Variants in RELN observed in about 807,000 individuals in gnomAD.
RELN encodes reelin.
RELN carries 108 observed loss-of-function variants against 427.6 expected under a neutral mutation model. That is an observed-to-expected ratio of 0.25 (90% confidence interval 0.22 to 0.30). The LOEUF is 0.30. RELN is among the 10% of genes least tolerant of loss of function. The pLI is 1.00. For missense variants in RELN, 3,715 were observed against 4,302.8 expected, an observed-to-expected ratio of 0.86 and a Z score of 3.82; for synonymous variants, 1,524 against 1,513.4, an observed-to-expected ratio of 1.01 and a Z score of -0.16.
At chr7:103,756,299 G>T (rs559900987) in intron 4 of RELN, among the ~76,000 whole-genome samples, 3 of 152,182 alleles carry the variant, frequency 2.0e-5, no homozygotes, top group African/African-American at 4.8e-5. Flanking sequence ...ATCTCTGAGG[G>T]TGGAGGCCCG....
At chr7:103,527,079 G>A (rs1323929685) in intron 46 of RELN, among the ~76,000 whole-genome samples, 3 of 151,750 alleles carry the variant, frequency 2.0e-5, no homozygotes, top group South Asian at 2.1e-4. Context: ...TTAATAGTAC[G>A]GTTCCCCTCA....
chr7:103,638,825 G>T (rs1207476410), intron 17 of RELN, among the ~76,000 whole-genome samples: 1 of 152,184 alleles, frequency 6.6e-6, no homozygotes, highest in African/African-American at 2.4e-5. Flanking sequence ...AGATTTGTTT[G>T]TATCCACCAT....
chr7:103,915,813 C>A (rs1283377557), intron 2 of RELN, among the ~76,000 whole-genome samples: 1 of 152,164 alleles, frequency 6.6e-6, no homozygotes, highest in African/African-American at 2.4e-5. Context: ...GACAACTCTA[C>A]TTATGAATCC....
chr7:103,586,418 A>G (rs1245134933), intron 28 of RELN, among the ~76,000 whole-genome samples: 1 of 152,142 alleles, frequency 6.6e-6, no homozygotes, highest in Non-Finnish European at 1.5e-5. Flanking sequence ...ACCCACAGCC[A>G]ACATTATACT....
chr7:103,657,539 A>G (rs1833047671), intron 12 of RELN, among the ~76,000 whole-genome samples: 1 of 152,086 alleles, frequency 6.6e-6, no homozygotes, highest in South Asian at 2.1e-4. Flanking sequence ...CTCTAATTTC[A>G]TTCATCTGTT....
At chr7:103,505,584 A>G (rs1399253356) in intron 51 of RELN, among the ~76,000 whole-genome samples, 4 of 152,324 alleles carry the variant, frequency 2.6e-5, no homozygotes, top group Admixed American at 1.3e-4. Context: ...ATCAAAGACC[A>G]AAGGTAGATA....
chr7:103,814,115 A>T (rs1056448122), intron 3 of RELN, among the ~76,000 whole-genome samples: 2 of 152,186 alleles, frequency 1.3e-5, no homozygotes, highest in African/African-American at 4.8e-5. Flanking sequence ...TCCTGCACTT[A>T]TTACTCTATG....
At chr7:103,488,185 T>C (rs1343200405) in intron 60 of RELN, among the ~76,000 whole-genome samples, 1 of 151,922 alleles carries the variant, frequency 6.6e-6, no homozygotes, top group Non-Finnish European at 1.5e-5. Flanking sequence ...GAAGCTGGGA[T>C]AAATAAATAA....
chr7:103,684,009 G>A (rs768034827), intron 10 of RELN, among the ~76,000 whole-genome samples: 3 of 152,100 alleles, frequency 2.0e-5, no homozygotes, highest in Admixed American at 6.6e-5. Context: ...TGTTCTCAAG[G>A]TTTGCAGTGG....
At position 103,723,143 on chromosome 7, in the gene RELN, T is replaced by C; in HGVS notation, c.802A>G (p.Ile268Val). Residue 268 changes from isoleucine (I) to valine (V), a missense_variant, in exon 8 of 65, where the codon ATT becomes GTT. Ile to Val is a conservative substitution (Grantham distance 29, BLOSUM62 3). Transcript: ENST00000428762. The part of the protein sequence containing the change: ...TTTASVLQFS[I>V]GSGSCRFSYS... ...ATAACTGCTAAAAAACACTTACCAA[T>C]GGAAAATTGGAGGACAGAAGCTGTT... 1 of 1,588,532 alleles carries C rather than the reference T, an allele frequency of 6.3e-7. No homozygotes were observed. Among genetic ancestry groups the C allele is most frequent in the South Asian group, 1.1e-5 (1 of 90,464 alleles).
intron 49 of RELN, among the ~76,000 whole-genome samples, chr7:103,517,360 T>C (rs975543382): frequency 6.6e-6 from 1 of 152,200 alleles, no homozygotes; most frequent in Admixed American, 6.5e-5. Context: ...TAGTTTTTAT[T>C]TTCTCTGATA....
chr7:103,756,765 A>G (rs1280013640), intron 4 of RELN, among the ~76,000 whole-genome samples: 2 of 144,628 alleles, frequency 1.4e-5, no homozygotes, highest in Admixed American at 6.9e-5. Flanking sequence ...AAGGTTTAAT[A>G]TATTTTAACA....
Position 103,946,789 on chromosome 7 carries a change from T to G in RELN, c.227-29604A>C, listed in dbSNP as rs373143527. On this transcript the variant is annotated intron_variant, in intron 1 of 64. Transcript: ENST00000428762. ...GCTTTTGATGAAATTCTTGACACAT[T>G]TGTCTCAGATGCAAAAAGATAATAA... Among the ~76,000 whole-genome samples the G allele has an allele frequency of 8.9e-4, 136 of 152,274 alleles. 3 individuals carry two copies. In the South Asian group the frequency reaches 0.028, roughly 31 times the overall value.
At chr7:103,560,232 TAATA>T (rs1200060005) in intron 36 of RELN, among the ~76,000 whole-genome samples, 1 of 152,192 alleles carries the variant, frequency 6.6e-6, no homozygotes, top group Non-Finnish European at 1.5e-5. Flanking sequence ...CAAGCTATTT[TAATA>T]GTAGATAGTA....
chr7:103,675,168 T>C (rs149077374), intron 11 of RELN, among the ~76,000 whole-genome samples: 1,603 of 152,322 alleles, frequency 0.011, 34 homozygotes, highest in African/African-American at 0.036. Context: ...CTCCTTATGC[T>C]GATAGGCAAC....
At chr7:103,873,194 G>A (rs1234449409) in intron 2 of RELN, among the ~76,000 whole-genome samples, 19 of 148,284 alleles carry the variant, frequency 1.3e-4, no homozygotes, top group East Asian at 8.4e-4. Context: ...TCTCTGGGAC[G>A]CATTCAAAGC....
intron 1 of RELN, among the ~76,000 whole-genome samples, chr7:103,959,716 T>C (rs970107489): frequency 1.3e-5 from 2 of 152,130 alleles, no homozygotes; most frequent in Admixed American, 1.3e-4. Context: ...GCTCACGTGA[T>C]CCTCTTGCCT....
intron 6 of RELN, among the ~76,000 whole-genome samples, chr7:103,748,958 C>T (rs1452680020): frequency 1.5e-4 from 23 of 152,084 alleles, no homozygotes; most frequent in Admixed American, 1.4e-3. Context: ...AATTTTGGCT[C>T]ATTATTTATT....
At chr7:103,517,708 T>C (rs753110248) in intron 49 of RELN, among the ~76,000 whole-genome samples, 1 of 152,232 alleles carries the variant, frequency 6.6e-6, no homozygotes, top group African/African-American at 2.4e-5. Flanking sequence ...GTTGGATTCC[T>C]TTATTGGTGT....
Sources: gnomAD v4.1 joint callset for allele counts (sites outside exome capture counted in the v4.1 genomes callset) on GRCh38, gnomAD v4.1.1 for gene constraint, MANE v1.5 for transcripts, NCBI Gene and HGNC (gene_info 2026-07-23, HGNC 2026-07-21) for gene names.